The following BTBD7 variants were observed in gnomAD, a reference collection of about 807,000 sequenced individuals.
BTBD7 encodes BTB domain containing 7.
BTBD7 carries 38 observed loss-of-function variants against 99.9 expected under a neutral mutation model. The observed-to-expected ratio is 0.38, with a 90% confidence interval of 0.29 to 0.50. BTBD7 has a LOEUF of 0.50. BTBD7 is among the 20% of genes least tolerant of loss of function. The pLI, the probability that BTBD7 is intolerant of heterozygous loss-of-function variation, is 0.93. For missense variants in BTBD7, 1,170 were observed against 1,394.6 expected, an observed-to-expected ratio of 0.84 and a Z score of 2.57; for synonymous variants, 520 against 511.4, an observed-to-expected ratio of 1.02 and a Z score of -0.23.
chr14:93,325,986 A>C (rs2053326068), intron 1 of BTBD7, among the ~76,000 whole-genome samples: 1 of 152,210 alleles, frequency 6.6e-6, no homozygotes, highest in Non-Finnish European at 1.5e-5. Context: ...TAGTAAGGGT[A>C]TCTGAAAGAT....
intron 1 of BTBD7, among the ~76,000 whole-genome samples, chr14:93,298,660 T>A (rs1363367543): frequency 6.6e-6 from 1 of 152,114 alleles, no homozygotes; most frequent in Admixed American, 6.6e-5. Context: ...TACAATGGTT[T>A]AATACTTAAA....
At chr14:93,262,757 T>C (rs1477349757) in intron 4 of BTBD7, among the ~76,000 whole-genome samples, 2 of 151,648 alleles carry the variant, frequency 1.3e-5, no homozygotes, top group Non-Finnish European at 2.9e-5. Flanking sequence ...ATTTAAAATC[T>C]TAGAGCAAAT....
At position 93,242,548 on chromosome 14, in the gene BTBD7, C is replaced by T; in HGVS notation, c.3124G>A (p.Ala1042Thr). The T allele has an allele frequency of 1.2e-6, 2 of 1,614,212 alleles. No homozygotes were observed. The highest frequency in any genetic ancestry group is 1.7e-6 in the Non-Finnish European group (2 of 1,180,044). The change falls in exon 11 of 11, where the codon GCA (alanine) becomes ACA (threonine). Residue 1042 changes from alanine to threonine, a missense_variant. Ala to Thr is a moderately conservative substitution (Grantham distance 58). Around this residue, in one of 4 missense-constraint regions of BTBD7, gnomAD observed 495 missense variants for 525.9 expected, o/e 0.94. Transcript: ENST00000334746. The stretch of plus-strand genomic sequence containing the variant: ...CCGGTACTAGCATTTTCTGGGGCTG[C>T]CAAAGGAAAGTCTGACCGCTGGGGA... ...QPPQRSDFPLAAPENASTGPA... is the reference protein window; with the variant it reads ...QPPQRSDFPLTAPENASTGPA...
Position 93,253,776 on chromosome 14 carries a change from C to T in BTBD7, c.1623G>A (p.Leu541=). Residue 541 remains leucine, a synonymous_variant, in exon 7 of 11, where the codon TTG becomes TTA. Transcript: ENST00000334746. ...EVLSDAMKRG[L]ISTPPSDMLP... is the part of the protein sequence containing the mutation. The stretch of plus-strand genomic sequence containing the variant: ...GCATATCTGATGGAGGAGTACTAAT[C>T]AAGCCTCTTTTCATCTAAAAAAAAA... The T allele has an allele frequency of 6.3e-7, 1 of 1,585,486 alleles. No individual in the cohort carries two copies. The highest frequency in any genetic ancestry group is 2.2e-5 in the East Asian group (1 of 44,750).
At position 93,324,910 on chromosome 14, in the gene BTBD7, C is replaced by A. The variant is rs139088179; in HGVS notation, c.-107+7910G>T. On this transcript the variant is annotated intron_variant, in intron 1 of 10. Transcript: ENST00000334746. ...AAGTAGACATTAGATGGGCAGCTAA[C>A]AGAATAGGCAAAGAATAAGAACTCC... 3.8e-3 allele frequency among the ~76,000 whole-genome samples: 577 copies of A among 152,210 alleles called. 2 individuals are homozygous for A. The highest frequency in any genetic ancestry group is 0.013 in the African/African-American group (541 of 41,524).
At chr14:93,283,206 G>A (rs1231255429) in intron 3 of BTBD7, among the ~76,000 whole-genome samples, 1 of 151,986 alleles carries the variant, frequency 6.6e-6, no homozygotes, top group Non-Finnish European at 1.5e-5. Flanking sequence ...GCCTCCTGAG[G>A]AGCTGAGACT....
At chr14:93,290,215 ATT>A (rs565702489) in intron 3 of BTBD7, among the ~76,000 whole-genome samples, 6 of 134,318 alleles carry the variant, frequency 4.5e-5, no homozygotes, top group Admixed American at 1.5e-4. Flanking sequence ...CTGCCTTTTA[ATT>A]TTTTTTTTTT....
rs981063672 is a variant in BTBD7, at chr14:93,248,342, C to G, written c.2121+134G>C. The stretch of plus-strand genomic sequence containing the variant: ...TCACCAGGAGGGACTTGCAGGTTAT[C>G]AAAGACACCAAAGGCAGTGAAAAAG... On this transcript the variant is annotated intron_variant, in intron 9 of 10. Transcript: ENST00000334746. 19 of 886,518 alleles carry G rather than the reference C, an allele frequency of 2.1e-5. No homozygotes were observed. The Admixed American group carries it at 5.1e-4, about 24-fold the overall frequency. 54.9% of individuals were successfully genotyped at this position (886,518 alleles called of 1,614,324 possible). A position where few individuals can be genotyped will look rare whatever the true frequency, so the allele number is the denominator to read the frequency against.
At chr14:93,289,952 G>T (rs2052828227) in intron 3 of BTBD7, among the ~76,000 whole-genome samples, 1 of 150,394 alleles carries the variant, frequency 6.6e-6, no homozygotes, top group Non-Finnish European at 1.5e-5. Context: ...TGCCTCCTAG[G>T]TTTAAGCAAT....
Position 93,299,391 on chromosome 14 carries a change from G to A in BTBD7, c.-106-3234C>T, listed in dbSNP as rs111397320. Among the ~76,000 whole-genome samples, 492 of 152,290 alleles carry A rather than the reference G, an allele frequency of 3.2e-3. 2 individuals carry two copies. Among genetic ancestry groups the A allele is most frequent in the Middle Eastern group, 0.014 (4 of 294 alleles). On this transcript the variant is annotated intron_variant, in intron 1 of 10. Coordinates refer to ENST00000334746, the MANE Select transcript of BTBD7 (RefSeq NM_001002860.4). The stretch of plus-strand genomic sequence containing the variant: ...CTAGTCTCAGTTTAATCTCTCCAGC[G>A]ATGTGTTCTCTCCAGGCAAGCCTGG...
intron 6 of BTBD7, 199 bp downstream of exon 6, chr14:93,256,996 T>C: frequency 1.8e-6 from 1 of 545,252 alleles, no homozygotes; most frequent in Non-Finnish European, 3.2e-6. Flanking sequence ...CACTCAACTC[T>C]CATTCACTGA....
At position 93,251,445 on chromosome 14, in the gene BTBD7, C is replaced by T; in HGVS notation, c.1942+18G>A. 1 of 1,564,844 alleles carries T rather than the reference C, an allele frequency of 6.4e-7. No homozygotes were observed. The highest frequency in any genetic ancestry group is 8.7e-7 in the Non-Finnish European group (1 of 1,146,698). The stretch of plus-strand genomic sequence containing the variant: ...TAAATTATTCATTTAAATATAAACA[C>T]CCAACATACTGCCTTACCTGGAATT... On this transcript the variant is annotated intron_variant, in intron 8 of 10. Coordinates refer to ENST00000334746, the MANE Select transcript of BTBD7 (RefSeq NM_001002860.4).
intron 3 of BTBD7, chr14:93,288,522 T>G (rs1269277121): frequency 1.3e-6 from 1 of 777,684 alleles, no homozygotes; most frequent in East Asian, 2.4e-5. Flanking sequence ...TGAAGTTTTC[T>G]TCTGCTCCCT....
chr14:93,300,257 CT>C (rs35598735), intron 1 of BTBD7, among the ~76,000 whole-genome samples: 168 of 119,606 alleles, frequency 1.4e-3, no homozygotes, highest in African/African-American at 3.7e-3. Flanking sequence ...TTTCTTTGTT[CT>C]TTTTTTTTTT....
Position 93,300,766 on chromosome 14 carries a change from GTGTGTGTA to G in BTBD7, c.-106-4617_-106-4610del, listed in dbSNP as rs1272980793. 2.3e-3 allele frequency among the ~76,000 whole-genome samples: 75 copies of G among 32,128 alleles called. 1 individual carries two copies. Among genetic ancestry groups the G allele is most frequent in the Admixed American group, 6.1e-3 (19 of 3,112 alleles). 21.1% of individuals were successfully genotyped at this position (32,128 alleles called of 152,430 possible). ...TGTGTGTGTGTGTGTGTGTGTGTGT[GTGTGTGTA>G]TATATATATATATTTTTTTTTTGTA... On this transcript the variant is annotated intron_variant, in intron 1 of 10. Transcript: ENST00000334746.
At chr14:93,289,524 G>C (rs1287014031) in intron 3 of BTBD7, among the ~76,000 whole-genome samples, 2 of 152,186 alleles carry the variant, frequency 1.3e-5, no homozygotes, top group South Asian at 4.1e-4. Flanking sequence ...TGTTAAGCCA[G>C]TAATCAAGTC....
intron 6 of BTBD7, 136 bp downstream of exon 6, chr14:93,257,059 T>C (rs1288625843): frequency 8.4e-6 from 7 of 832,918 alleles, no homozygotes; most frequent in South Asian, 3.6e-5. Context: ...TCGTACACAA[T>C]AGACATCTGT....
intron 1 of BTBD7, among the ~76,000 whole-genome samples, chr14:93,299,613 G>A (rs2052968867): frequency 7.0e-6 from 1 of 143,094 alleles, no homozygotes; most frequent in South Asian, 2.4e-4. Flanking sequence ...AGATGATGCT[G>A]ACTGTCTTAA....
At chr14:93,280,771 A>G (rs1490584296) in intron 3 of BTBD7, among the ~76,000 whole-genome samples, 1 of 151,942 alleles carries the variant, frequency 6.6e-6, no homozygotes, top group East Asian at 1.9e-4. Context: ...ATATTCACCG[A>G]GTGTTTTAGC....
Sources: gnomAD v4.1 joint callset for allele counts (sites outside exome capture counted in the v4.1 genomes callset) on GRCh38, gnomAD v4.1.1 for gene constraint, gnomAD v4.1.1 regional missense constraint, MANE v1.5 for transcripts, NCBI Gene and HGNC (gene_info 2026-07-23, HGNC 2026-07-21) for gene names.